UBE3D: variants seen among roughly 807,000 people sequenced by gnomAD.
The protein encoded by UBE3D is ubiquitin protein ligase E3D.
UBE3D carries 48 observed loss-of-function variants against 49.6 expected under a neutral mutation model. That is an observed-to-expected ratio of 0.97 (90% CI 0.77 to 1.23). The LOEUF (loss-of-function observed/expected upper bound fraction) is 1.23. Among genes scored for constraint, UBE3D ranks in the 50% most tolerant of loss-of-function variants. The pLI, the probability that UBE3D is intolerant of heterozygous loss-of-function variation, is 0.00. For missense variants in UBE3D, 452 were observed against 468.4 expected, an observed-to-expected ratio of 0.96 and a Z score of 0.32; for synonymous variants, 189 against 174.2, an observed-to-expected ratio of 1.08 and a Z score of -0.67.
chr6:82,883,849 C>T, the UBE3D span, among the ~76,000 whole-genome samples: 1 of 151,450 alleles, frequency 6.6e-6, no homozygotes, highest in Admixed American at 6.6e-5. Context: ...GTAGAATAGG[C>T]AAAAAAAAGT....
At chr6:83,015,432 C>A (rs1372365979) in intron 8 of UBE3D, among the ~76,000 whole-genome samples, 1 of 152,128 alleles carries the variant, frequency 6.6e-6, no homozygotes, top group African/African-American at 2.4e-5. Context: ...ACTATTAGAA[C>A]CTTTTGTAAC....
chr6:82,909,957 C>G (rs1289650320), intron 9 of UBE3D, among the ~76,000 whole-genome samples: 1 of 152,154 alleles, frequency 6.6e-6, no homozygotes, highest in Admixed American at 6.6e-5. Context: ...AGAAAGGCAC[C>G]CTTGCACTTT....
chr6:82,913,670 A>C lies in UBE3D; in HGVS notation c.1150-20628T>G, dbSNP rs1401438159. ...TCAAGGGAAGGGAAGGTGATAAATC[A>C]GTTTACTTTTTGCTTGGGGATGGAG... On this transcript the variant is annotated intron_variant, in intron 9 of 9. Transcript: ENST00000369747. 2.0e-5 allele frequency among the ~76,000 whole-genome samples: 3 copies of C among 152,192 alleles called. 1 individual carries two copies. Among genetic ancestry groups the C allele is most frequent in the Admixed American group, 2.0e-4 (3 of 15,262 alleles).
intron 8 of UBE3D, among the ~76,000 whole-genome samples, chr6:82,993,121 G>A (rs1779006587): frequency 1.3e-5 from 2 of 149,898 alleles, no homozygotes; most frequent in East Asian, 2.0e-4. Context: ...GGGTCGGGGG[G>A]GAGAGAGAGA....
chr6:83,006,606 C>A (rs1194385899), intron 8 of UBE3D, among the ~76,000 whole-genome samples: 1 of 152,086 alleles, frequency 6.6e-6, no homozygotes, highest in Non-Finnish European at 1.5e-5. Flanking sequence ...GGACTTTTAC[C>A]CTCTAAAATT....
rs950504198 is a variant in UBE3D at position 82,986,494 on chromosome 6, A to C, written c.1011-29044T>G. On this transcript the variant is annotated intron_variant, in intron 8 of 9. Coordinates refer to ENST00000369747, the MANE Select transcript of UBE3D (RefSeq NM_198920.3). ...TCAAAAAAAAAAAAAAAAAAAAAAA[A>C]AAAACTTTTGTACTCTTTTCCAAAA... 1.4e-3 allele frequency among the ~76,000 whole-genome samples: 210 copies of C among 149,760 alleles called. 1 individual carries two copies. The highest frequency in any genetic ancestry group is 5.0e-3 in the African/African-American group (204 of 41,092).
At chr6:83,019,248 G>A in intron 7 of UBE3D, 112 bp from the exon 8 acceptor site, 1 of 994,594 alleles carries the variant, frequency 1.0e-6, no homozygotes. Context: ...AAATAAATAT[G>A]AGAATCATGT....
intron 5 of UBE3D, among the ~76,000 whole-genome samples, chr6:83,029,012 T>G (rs1047302170): frequency 3.9e-5 from 6 of 152,274 alleles, no homozygotes; most frequent in African/African-American, 1.4e-4. Context: ...ACATATGAGG[T>G]TTTGTTTTTC....
intron 9 of UBE3D, among the ~76,000 whole-genome samples, chr6:82,919,389 G>A (rs1253255101): frequency 1.3e-5 from 2 of 151,602 alleles, no homozygotes; most frequent in East Asian, 3.9e-4. Context: ...AGATCACGAG[G>A]TCAGGAGATC....
chr6:83,001,063 C>T lies in UBE3D; in HGVS notation c.1010+17910G>A, dbSNP rs146160368. On this transcript the variant is annotated intron_variant, in intron 8 of 9. Transcript: ENST00000369747. ...TTCTCCATGTTGGTCAGGCTGGTCT[C>T]GAACTCCCTACCTCAGGTGATCTGC... Among the ~76,000 whole-genome samples the T allele has an allele frequency of 2.5e-3, 379 of 152,210 alleles. 1 individual carries two copies. Among genetic ancestry groups the T allele is most frequent in the African/African-American group, 8.2e-3 (339 of 41,548 alleles).
chr6:83,038,767 T>C (rs753480824), intron 4 of UBE3D, among the ~76,000 whole-genome samples: 21 of 152,216 alleles, frequency 1.4e-4, no homozygotes, highest in Non-Finnish European at 2.6e-4. Context: ...CTTATATTTC[T>C]AAAAAGCACT....
Position 83,022,694 on chromosome 6 carries a change from A to G in UBE3D, c.738-133T>C, listed in dbSNP as rs1276858953. On this transcript the variant is annotated intron_variant, in intron 6 of 9. Transcript: ENST00000369747. ...TGCCAGACTTTTCTACGGACTGCTC[A>G]TTCCCTCAGAATCTGCACTGATGTG... is the stretch of plus-strand genomic sequence containing the variant. 7 of 520,946 alleles carry G rather than the reference A, an allele frequency of 1.3e-5. No homozygotes were observed. The East Asian group carries it at 2.0e-4, about 15-fold the overall frequency. The allele number at this position is 520,946 out of a possible 1,614,324, so 32.3% of individuals were successfully genotyped here.
chr6:83,042,232 G>A (rs539711060), intron 4 of UBE3D, among the ~76,000 whole-genome samples: 3 of 152,206 alleles, frequency 2.0e-5, no homozygotes, highest in South Asian at 4.1e-4. Flanking sequence ...TGTATTATGT[G>A]GGCAGGCACA....
intron 9 of UBE3D, among the ~76,000 whole-genome samples, chr6:82,909,078 T>C (rs1772313557): frequency 1.3e-5 from 2 of 152,200 alleles, no homozygotes; most frequent in Non-Finnish European, 2.9e-5. Flanking sequence ...GGTGAGGACT[T>C]CTGAAGGGGT....
At chr6:82,994,675 G>A (rs1318746856) in intron 8 of UBE3D, among the ~76,000 whole-genome samples, 1 of 152,192 alleles carries the variant, frequency 6.6e-6, no homozygotes, top group Non-Finnish European at 1.5e-5. Flanking sequence ...AAGAATGGAT[G>A]TGAAGGAGTT....
chr6:82,987,928 G>C (rs1778633482), intron 8 of UBE3D, among the ~76,000 whole-genome samples: 1 of 152,162 alleles, frequency 6.6e-6, no homozygotes, highest in South Asian at 2.1e-4. Flanking sequence ...ACATGGAGAA[G>C]TCTTAAAAAC....
chr6:82,988,015 T>A (rs1778639536), intron 8 of UBE3D, among the ~76,000 whole-genome samples: 1 of 152,174 alleles, frequency 6.6e-6, no homozygotes, highest in Admixed American at 6.5e-5. Flanking sequence ...AACATGCAAG[T>A]TAATAGTATG....
chr6:82,885,174 C>T, the UBE3D span, among the ~76,000 whole-genome samples: 2,216 of 149,940 alleles, frequency 0.015, 58 homozygotes, highest in African/African-American at 0.052. Flanking sequence ...AAAAAAAAAG[C>T]ACTGACAAAG....
At chr6:82,884,742 C>T in the UBE3D span, among the ~76,000 whole-genome samples, 1 of 152,174 alleles carries the variant, frequency 6.6e-6, no homozygotes. Flanking sequence ...GGTGATCCCA[C>T]AGCATAATTC....
Sources: allele counts gnomAD v4.1 joint callset (sites outside exome capture counted in the v4.1 genomes callset), GRCh38; gene constraint gnomAD v4.1.1; transcripts MANE v1.5; gene names NCBI Gene and HGNC (gene_info 2026-07-23, HGNC 2026-07-21).